Variants in VDAC1 observed in about 807,000 individuals in gnomAD.
VDAC1 encodes non-selective voltage-gated ion channel VDAC1.
A neutral mutation model predicts 34.7 loss-of-function variants in VDAC1; 10 were observed. The observed-to-expected ratio is 0.29, with a 90% CI of 0.18 to 0.49. The LOEUF (loss-of-function observed/expected upper bound fraction) is 0.49. Among genes scored for constraint, VDAC1 ranks in the 20% least tolerant of loss-of-function variants. The pLI, the probability that VDAC1 is intolerant of heterozygous loss-of-function variation, is 0.99. For missense variants in VDAC1, 230 were observed against 347.9 expected, an observed-to-expected ratio of 0.66 and a Z score of 2.69; for synonymous variants, 130 against 136.0, an observed-to-expected ratio of 0.96 and a Z score of 0.30.
the VDAC1 span, among the ~76,000 whole-genome samples, chr5:134,061,125 A>G: frequency 6.7e-6 from 1 of 149,368 alleles, no homozygotes; most frequent in Non-Finnish European, 1.5e-5. Flanking sequence ...TCGGCCTCCC[A>G]AAGTGCTGGG....
chr5:134,095,055 G>A, the VDAC1 span, among the ~76,000 whole-genome samples: 6 of 132,998 alleles, frequency 4.5e-5, no homozygotes, highest in Non-Finnish European at 8.0e-5. Context: ...TCCACAAAAT[G>A]CCAATAGACG....
the VDAC1 span, among the ~76,000 whole-genome samples, chr5:134,070,790 T>G: frequency 6.6e-6 from 1 of 152,220 alleles, no homozygotes; most frequent in Non-Finnish European, 1.5e-5. Flanking sequence ...CTGCTGAATA[T>G]TCCCACGGTT....
the VDAC1 span, among the ~76,000 whole-genome samples, chr5:134,057,979 C>T: frequency 2.0e-5 from 3 of 151,942 alleles, no homozygotes; most frequent in South Asian, 6.2e-4. Flanking sequence ...TCAATGCAAT[C>T]TCCACCTCCT....
At chr5:134,022,204 C>T in the VDAC1 span, among the ~76,000 whole-genome samples, 9 of 152,136 alleles carry the variant, frequency 5.9e-5, no homozygotes, top group South Asian at 2.1e-4. Context: ...TACATAATAT[C>T]GTGAAAAGAA....
the VDAC1 span, among the ~76,000 whole-genome samples, chr5:134,010,671 T>C: frequency 6.6e-6 from 1 of 152,170 alleles, no homozygotes; most frequent in East Asian, 1.9e-4. Context: ...AGGCAATCTA[T>C]GTTCAGTATT....
chr5:134,083,433 G>A, the VDAC1 span, among the ~76,000 whole-genome samples: 3 of 152,066 alleles, frequency 2.0e-5, no homozygotes, highest in East Asian at 1.9e-4. Context: ...CAAGTGATTC[G>A]CCAGCCTTGG....
At chr5:134,108,812 A>G in the VDAC1 span, among the ~76,000 whole-genome samples, 1 of 152,154 alleles carries the variant, frequency 6.6e-6, no homozygotes, top group African/African-American at 2.4e-5. Context: ...TAGTTCACCT[A>G]GGTCCCAGGG....
At chr5:134,058,279 G>A in the VDAC1 span, among the ~76,000 whole-genome samples, 1 of 151,782 alleles carries the variant, frequency 6.6e-6, no homozygotes, top group African/African-American at 2.4e-5. Context: ...GTCAGCAGCC[G>A]GGCTGTCCCT....
chr5:134,055,588 G>GTTTTTTTTTTTTTTTT, the VDAC1 span, among the ~76,000 whole-genome samples: 20 of 59,626 alleles, frequency 3.4e-4, 2 homozygotes, highest in East Asian at 2.1e-3. Context: ...CCCCGCTAAT[G>GTTTTTTTTTTTTTTTT]TTTTTTTTTT....
the VDAC1 span, among the ~76,000 whole-genome samples, chr5:134,098,132 A>G: frequency 4.6e-4 from 70 of 152,066 alleles, no homozygotes; most frequent in Admixed American, 7.9e-4. Flanking sequence ...CAGCCTCCCA[A>G]AATGCTGGGA....
chr5:133,996,009 T>C (rs893108822), intron 1 of VDAC1, among the ~76,000 whole-genome samples: 2 of 152,096 alleles, frequency 1.3e-5, no homozygotes, highest in Admixed American at 6.5e-5. Flanking sequence ...CTCTGCAGCA[T>C]CCACCCCCCA....
the VDAC1 span, among the ~76,000 whole-genome samples, chr5:134,105,126 A>T: frequency 2.6e-5 from 4 of 152,138 alleles, no homozygotes; most frequent in Non-Finnish European, 5.9e-5. Flanking sequence ...TGAATGGATG[A>T]CCATCAGCAA....
chr5:133,976,970 G>A (rs1428910392), intron 6 of VDAC1, among the ~76,000 whole-genome samples: 1 of 152,224 alleles, frequency 6.6e-6, no homozygotes, highest in African/African-American at 2.4e-5. Flanking sequence ...TCTGAACCCA[G>A]GAGGCAGAGG....
chr5:134,043,550 C>T, the VDAC1 span, among the ~76,000 whole-genome samples: 1 of 150,628 alleles, frequency 6.6e-6, no homozygotes, highest in African/African-American at 2.4e-5. Context: ...CTTTTTTTTT[C>T]CCAGACAAGG....
chr5:133,998,499 C>T (rs1362336822), intron 1 of VDAC1, among the ~76,000 whole-genome samples: 1 of 152,084 alleles, frequency 6.6e-6, no homozygotes, highest in Non-Finnish European at 1.5e-5. Flanking sequence ...CGTGCCACTG[C>T]ACTCCAGCCT....
chr5:133,983,365 A>G (rs1271478121), intron 5 of VDAC1, among the ~76,000 whole-genome samples: 1 of 152,168 alleles, frequency 6.6e-6, no homozygotes, highest in Non-Finnish European at 1.5e-5. Flanking sequence ...TAAAATATTT[A>G]CAGCTGAAAT....
chr5:133,993,041 A>T, intron 1 of VDAC1, 23 bp from the exon 2 acceptor site: 1 of 1,591,436 alleles, frequency 6.3e-7, no homozygotes, highest in Non-Finnish European at 8.6e-7. Context: ...AATCACCAGA[A>T]TAAATGCATT....
intron 6 of VDAC1, among the ~76,000 whole-genome samples, chr5:133,979,505 T>C (rs764846287): frequency 3.9e-4 from 52 of 133,490 alleles, no homozygotes; most frequent in Admixed American, 2.3e-3. Flanking sequence ...TCTCGGCTCA[T>C]TGCAAACTCC....
chr5:134,112,366 C>G, the VDAC1 span, among the ~76,000 whole-genome samples: 1 of 152,246 alleles, frequency 6.6e-6, no homozygotes, highest in Non-Finnish European at 1.5e-5. Context: ...CTCTCCACAG[C>G]CCAAGCCAGG....
Sources: gnomAD v4.1 joint callset for allele counts (sites outside exome capture counted in the v4.1 genomes callset) on GRCh38, gnomAD v4.1.1 for gene constraint, MANE v1.5 for transcripts, NCBI Gene and HGNC (gene_info 2026-07-23, HGNC 2026-07-21) for gene names.